GRAMD1B: variants seen among roughly 807,000 people sequenced by gnomAD.
GRAMD1B encodes GRAM domain containing 1B, also known as protein Aster-B.
GRAMD1B carries 37 observed loss-of-function variants against 99.7 expected under a neutral mutation model. That is an observed-to-expected ratio of 0.37 (90% CI 0.29 to 0.49). GRAMD1B has a LOEUF of 0.49. Among genes scored for constraint, GRAMD1B ranks in the 20% least tolerant of loss-of-function variants. The probability of loss-of-function intolerance (pLI) is 0.98; values close to 1 mark genes in which losing one functional copy is unlikely to be tolerated. For synonymous variants in GRAMD1B, 427 were observed against 387.6 expected (o/e 1.10, Z -1.19); for missense variants, 888 against 1,009.2 (o/e 0.88, Z 1.63).
chr11:123,370,337 CTTTTTTTTTTTT>C (rs1163332610), intron 1 of GRAMD1B, among the ~76,000 whole-genome samples: 3 of 102,844 alleles, frequency 2.9e-5, no homozygotes, highest in African/African-American at 4.8e-5. Flanking sequence ...GAAGTTATCT[CTTTTTTTTTTTT>C]TTTTTTTTTG....
intron 2 of GRAMD1B, among the ~76,000 whole-genome samples, chr11:123,508,941 T>C (rs1940710387): frequency 6.6e-6 from 1 of 152,242 alleles, no homozygotes; most frequent in South Asian, 2.1e-4. Flanking sequence ...TACCACAGCC[T>C]CCCAAAGTGC....
intron 1 of GRAMD1B, among the ~76,000 whole-genome samples, chr11:123,446,454 C>T (rs937670817): frequency 6.6e-6 from 1 of 152,144 alleles, no homozygotes; most frequent in Non-Finnish European, 1.5e-5. Flanking sequence ...GCATGAGCCA[C>T]CACGCCCAGC....
chr11:123,526,154 A>G (rs1328636468), intron 2 of GRAMD1B: 57 of 1,613,238 alleles, frequency 3.5e-5, no homozygotes, highest in Non-Finnish European at 4.7e-5. Context: ...TACTAATGAA[A>G]GGATTCAAGC....
At chr11:123,616,125 C>T (rs1194729648) in intron 17 of GRAMD1B, among the ~76,000 whole-genome samples, 2 of 152,142 alleles carry the variant, frequency 1.3e-5, no homozygotes, top group Non-Finnish European at 2.9e-5. Flanking sequence ...AGATCGAGAC[C>T]ATCCTGGCTA....
chr11:123,381,013 G>A (rs1946854561), intron 1 of GRAMD1B, among the ~76,000 whole-genome samples: 1 of 151,904 alleles, frequency 6.6e-6, no homozygotes, highest in Admixed American at 6.6e-5. Flanking sequence ...CCTATAGATA[G>A]AACTCATAAG....
At chr11:123,473,363 C>A (rs1951108816) in intron 1 of GRAMD1B, among the ~76,000 whole-genome samples, 1 of 152,154 alleles carries the variant, frequency 6.6e-6, no homozygotes, top group Non-Finnish European at 1.5e-5. Context: ...CGTGCCCTGA[C>A]AATTTCTTCT....
At chr11:123,579,115 A>G (rs939185735) in intron 3 of GRAMD1B, among the ~76,000 whole-genome samples, 1 of 152,226 alleles carries the variant, frequency 6.6e-6, no homozygotes, top group African/African-American at 2.4e-5. Context: ...GTTGGCAAAC[A>G]TTGGCAGAAC....
At chr11:123,412,025 T>A (rs1375642873) in intron 1 of GRAMD1B, among the ~76,000 whole-genome samples, 1 of 152,192 alleles carries the variant, frequency 6.6e-6, no homozygotes, top group Non-Finnish European at 1.5e-5. Context: ...TATATATAAA[T>A]ACATGTGTTG....
At chr11:123,514,922 A>G (rs1813666946) in intron 2 of GRAMD1B, among the ~76,000 whole-genome samples, 1 of 152,068 alleles carries the variant, frequency 6.6e-6, no homozygotes, top group Admixed American at 6.6e-5. Flanking sequence ...ATTCACAGAA[A>G]CCCTGGCACT....
chr11:123,412,252 C>T (rs1438913032), intron 1 of GRAMD1B, among the ~76,000 whole-genome samples: 1 of 152,086 alleles, frequency 6.6e-6, no homozygotes, highest in Non-Finnish European at 1.5e-5. Context: ...TGATTGTTGT[C>T]AACTTTTCAC....
intron 1 of GRAMD1B, among the ~76,000 whole-genome samples, chr11:123,469,609 T>C (rs959860590): frequency 4.6e-5 from 7 of 152,212 alleles, no homozygotes; most frequent in African/African-American, 1.4e-4. Flanking sequence ...TTGAGACTCC[T>C]GTTGGACATT....
At chr11:123,520,034 C>A (rs1350151718) in intron 2 of GRAMD1B, among the ~76,000 whole-genome samples, 1 of 152,228 alleles carries the variant, frequency 6.6e-6, no homozygotes, top group East Asian at 1.9e-4. Context: ...CCATTCTAGT[C>A]CCCATTTATG....
intron 1 of GRAMD1B, among the ~76,000 whole-genome samples, chr11:123,366,033 T>G (rs1262670756): frequency 1.3e-5 from 2 of 152,224 alleles, no homozygotes; most frequent in African/African-American, 4.8e-5. Context: ...TCTTAGGATT[T>G]AAGCCTCTAT....
Position 123,534,954 on chromosome 11 carries a change from G to A in GRAMD1B, c.453-42413G>A, listed in dbSNP as rs867849976. Among the ~76,000 whole-genome samples the A allele has an allele frequency of 3.3e-5, 5 of 152,108 alleles. No homozygotes were observed. The South Asian group carries it at 1.0e-3, about 32-fold the overall frequency. On this transcript the variant is annotated intron_variant, in intron 2 of 19. Coordinates refer to ENST00000635736, the MANE Select transcript of GRAMD1B (RefSeq NM_001387025.1). ...CAGACTGAGGGCCTTGGGAAGGGAG[G>A]GAGCTGAGCAGCCTGGTCAGGACAG... is the stretch of plus-strand genomic sequence containing the variant.
chr11:123,511,371 TC>T (rs992644045), intron 2 of GRAMD1B, among the ~76,000 whole-genome samples: 7 of 152,142 alleles, frequency 4.6e-5, no homozygotes, highest in African/African-American at 1.7e-4. Flanking sequence ...CCCGGGCACC[TC>T]CAGGGAATGG....
intron 2 of GRAMD1B, among the ~76,000 whole-genome samples, chr11:123,517,736 A>C (rs1941810328): frequency 6.6e-6 from 1 of 152,160 alleles, no homozygotes; most frequent in Non-Finnish European, 1.5e-5. Context: ...CAATAAATAG[A>C]TTCTTATTGT....
chr11:123,432,053 G>A, intron 1 of GRAMD1B: 1 of 398,636 alleles, frequency 2.5e-6, no homozygotes, highest in Non-Finnish European at 4.4e-6. Flanking sequence ...TTCTTGTGCG[G>A]AGCAACTGAG....
intron 2 of GRAMD1B, among the ~76,000 whole-genome samples, chr11:123,549,928 A>G (rs1238412234): frequency 6.6e-6 from 1 of 152,098 alleles, no homozygotes; most frequent in Non-Finnish European, 1.5e-5. Flanking sequence ...CATGTATGGG[A>G]AAAATGGGCA....
At position 123,625,317 on chromosome 11, in the gene GRAMD1B, G is replaced by A. The variant is rs866769759; in HGVS notation, c.*2722G>A. Reference sequence around the variant, plus strand: ...CGTTTTAGTTTACTGGGGACACACAGGAGTCTTTCTGTAATGACTTATGTG... The same window carrying A: ...CGTTTTAGTTTACTGGGGACACACAAGAGTCTTTCTGTAATGACTTATGTG... On this transcript the variant is annotated 3_prime_UTR_variant, in exon 20 of 20. Transcript: ENST00000635736. The A allele has an allele frequency of 6.6e-6, 1 of 152,328 alleles. No homozygotes were observed. Among genetic ancestry groups the A allele is most frequent in the South Asian group, 2.1e-4 (1 of 4,828 alleles). 9.4% of individuals were successfully genotyped at this position (152,328 alleles called of 1,614,324 possible).
Sources: gnomAD v4.1 joint callset for allele counts (sites outside exome capture counted in the v4.1 genomes callset) on GRCh38, gnomAD v4.1.1 for gene constraint, MANE v1.5 for transcripts, NCBI Gene and HGNC (gene_info 2026-07-23, HGNC 2026-07-21) for gene names.